The following CNBD1 variants were observed in gnomAD, a reference collection of about 807,000 sequenced individuals.
CNBD1 encodes the protein cyclic nucleotide-binding domain-containing protein 1.
CNBD1 carries 71 observed loss-of-function variants against 54.4 expected under a neutral mutation model. The ratio of observed to expected loss-of-function variants is 1.30; its 90% CI spans 1.08 to 1.59. CNBD1 has a LOEUF of 1.59. Among genes scored for constraint, CNBD1 ranks in the 40% most tolerant of loss-of-function variants. The pLI, the probability that CNBD1 is intolerant of heterozygous loss-of-function variation, is 0.00. For missense variants in CNBD1, 659 were observed against 518.0 expected (o/e 1.27, Z -2.64); for synonymous variants, 182 against 170.7 (o/e 1.07, Z -0.51).
intron 4 of CNBD1, among the ~76,000 whole-genome samples, chr8:87,032,950 T>C (rs1421059432): frequency 6.6e-6 from 1 of 152,226 alleles, no homozygotes; most frequent in East Asian, 1.9e-4. Flanking sequence ...TCAAGATTCA[T>C]ATCTTGAAAC....
At chr8:86,895,253 G>GGTGTGTGTGTGTGTGTGTGT in intron 2 of CNBD1, among the ~76,000 whole-genome samples, 1 of 144,918 alleles carries the variant, frequency 6.9e-6, no homozygotes, top group African/African-American at 2.7e-5. Flanking sequence ...GTGTGTGCAT[G>GGTGTGTGTGTGTGTGTGTGT]GTGTGTGTGT....
intron 2 of CNBD1, among the ~76,000 whole-genome samples, chr8:87,403,255 T>C (rs1807598763): frequency 1.3e-5 from 2 of 152,076 alleles, no homozygotes; most frequent in Non-Finnish European, 2.9e-5. Flanking sequence ...GGTTGGGCTG[T>C]ACATCTTGTT....
At chr8:87,257,088 G>C (rs1808039038) in intron 6 of CNBD1, among the ~76,000 whole-genome samples, 1 of 151,930 alleles carries the variant, frequency 6.6e-6, no homozygotes, top group South Asian at 2.1e-4. Flanking sequence ...ATGACAATTG[G>C]GCTGGGCATG....
At chr8:87,070,072 A>G (rs1006880211) in intron 4 of CNBD1, among the ~76,000 whole-genome samples, 1 of 152,038 alleles carries the variant, frequency 6.6e-6, no homozygotes, top group Non-Finnish European at 1.5e-5. Flanking sequence ...TGGATACTCA[A>G]AGGTTTAATA....
chr8:87,257,519 A>G (rs1198209596), intron 6 of CNBD1, among the ~76,000 whole-genome samples: 1 of 152,126 alleles, frequency 6.6e-6, no homozygotes, highest in Non-Finnish European at 1.5e-5. Context: ...TCTGCAATTT[A>G]TAAGTCACCT....
chr8:87,066,194 T>C (rs1810650273), intron 4 of CNBD1, among the ~76,000 whole-genome samples: 1 of 151,980 alleles, frequency 6.6e-6, no homozygotes, highest in South Asian at 2.1e-4. Context: ...TAAGCTATCC[T>C]GAACATTGGA....
At chr8:87,076,717 C>T (rs1440116487) in intron 4 of CNBD1, among the ~76,000 whole-genome samples, 1 of 151,998 alleles carries the variant, frequency 6.6e-6, no homozygotes, top group African/African-American at 2.4e-5. Flanking sequence ...GCTGGGATTA[C>T]AGGCGTGAGC....
intron 8 of CNBD1, among the ~76,000 whole-genome samples, chr8:87,319,631 A>G (rs1431895662): frequency 6.6e-6 from 1 of 152,138 alleles, no homozygotes. Flanking sequence ...CAGGGGAAAT[A>G]TACTTTCTTT....
chr8:87,023,048 T>C (rs1207136475), intron 4 of CNBD1, among the ~76,000 whole-genome samples: 2 of 151,644 alleles, frequency 1.3e-5, no homozygotes, highest in Non-Finnish European at 2.9e-5. Flanking sequence ...ATGAGACTAA[T>C]TGTTCTCAGT....
At chr8:87,116,513 G>A (rs1399708341) in intron 4 of CNBD1, among the ~76,000 whole-genome samples, 1 of 151,934 alleles carries the variant, frequency 6.6e-6, no homozygotes, top group South Asian at 2.1e-4. Context: ...TGCACCTGGT[G>A]CTCATGTCTT....
intron 4 of CNBD1, among the ~76,000 whole-genome samples, chr8:87,181,921 G>T (rs1054709933): frequency 6.6e-6 from 1 of 152,010 alleles, no homozygotes; most frequent in Admixed American, 6.6e-5. Context: ...AGATTCAGGG[G>T]ATACATGTGC....
intron 4 of CNBD1, among the ~76,000 whole-genome samples, chr8:87,003,352 T>C (rs1199860016): frequency 6.6e-5 from 10 of 152,212 alleles, no homozygotes; most frequent in Non-Finnish European, 1.5e-5. Flanking sequence ...ACCTAGATTA[T>C]TAGAATATGT....
intron 4 of CNBD1, among the ~76,000 whole-genome samples, chr8:87,179,074 C>A (rs1467892672): frequency 6.6e-6 from 1 of 152,068 alleles, no homozygotes; most frequent in Non-Finnish European, 1.5e-5. Context: ...CCATGCCCAG[C>A]TAATTTTTGT....
At chr8:87,360,672 A>G (rs1810507844) in intron 10 of CNBD1, among the ~76,000 whole-genome samples, 2 of 151,938 alleles carry the variant, frequency 1.3e-5, no homozygotes, top group Non-Finnish European at 2.9e-5. Context: ...ATTTCTTTTT[A>G]TCTATAAAAT....
At chr8:87,349,730 G>T (rs1302679771) in intron 8 of CNBD1, among the ~76,000 whole-genome samples, 1 of 152,130 alleles carries the variant, frequency 6.6e-6, no homozygotes, top group Non-Finnish European at 1.5e-5. Flanking sequence ...AGGTCAGGAG[G>T]GTTTTGCTGT....
At chr8:87,368,810 G>A (rs947084171) in intron 10 of CNBD1, among the ~76,000 whole-genome samples, 3 of 151,884 alleles carry the variant, frequency 2.0e-5, no homozygotes, top group Non-Finnish European at 4.4e-5. Context: ...ATTTTATCAT[G>A]CTCATGGACA....
chr8:87,039,419 C>T (rs1433036242), intron 4 of CNBD1, among the ~76,000 whole-genome samples: 2 of 152,024 alleles, frequency 1.3e-5, no homozygotes, highest in Admixed American at 6.6e-5. Context: ...GCCCTTTTGT[C>T]ATTACTGTTT....
chr8:87,416,516 G>C (rs1334124750), intron 2 of CNBD1, among the ~76,000 whole-genome samples: 1 of 151,992 alleles, frequency 6.6e-6, no homozygotes, highest in Admixed American at 6.6e-5. Context: ...GAGGAAACTG[G>C]AAGTGTGACA....
intron 10 of CNBD1, among the ~76,000 whole-genome samples, chr8:87,375,070 T>C (rs1810897379): frequency 6.6e-6 from 1 of 151,924 alleles, no homozygotes; most frequent in African/African-American, 2.4e-5. Flanking sequence ...CACTCAAAAA[T>C]AATTATACAG....
Sources: allele counts gnomAD v4.1 joint callset (sites outside exome capture counted in the v4.1 genomes callset), GRCh38; gene constraint gnomAD v4.1.1; transcripts MANE v1.5; gene names NCBI Gene and HGNC (gene_info 2026-07-23, HGNC 2026-07-21).